EPHA3: variants seen among roughly 807,000 people sequenced by gnomAD.
The protein encoded by EPHA3 is EPH receptor A3.
In EPHA3, 42 loss-of-function variants were observed where a neutral mutation model predicts 107.1. The ratio of observed to expected loss-of-function variants is 0.39; its 90% CI spans 0.31 to 0.51. The LOEUF (loss-of-function observed/expected upper bound fraction) is 0.51. Ranked by LOEUF, EPHA3 falls within the 20% of genes least tolerant of loss-of-function variation. EPHA3 has a pLI of 0.78. For synonymous variants in EPHA3, 461 were observed against 424.8 expected, an observed-to-expected ratio of 1.09 and a Z score of -1.05; for missense variants, 1,183 against 1,211.2, an observed-to-expected ratio of 0.98 and a Z score of 0.35.
intron 3 of EPHA3, among the ~76,000 whole-genome samples, chr3:89,281,004 A>ATTTTTTATTTATTTATTTATTTAT (rs71105126): frequency 1.4e-5 from 2 of 147,280 alleles, no homozygotes; most frequent in African/African-American, 5.1e-5. Flanking sequence ...CAAGATTTTT[A>ATTTTTTATTTATTTATTTATTTAT]TTATTTATTT....
intron 2 of EPHA3, among the ~76,000 whole-genome samples, chr3:89,160,589 T>TGTGGGG (rs371399940): frequency 6.9e-6 from 1 of 145,100 alleles, no homozygotes; most frequent in Admixed American, 7.0e-5. Flanking sequence ...TGTGTGTGTG[T>TGTGGGG]GCGCGCATTC....
intron 10 of EPHA3, among the ~76,000 whole-genome samples, chr3:89,416,552 AG>A (rs2107524897): frequency 6.6e-6 from 1 of 151,534 alleles, no homozygotes; most frequent in East Asian, 1.9e-4. Context: ...AGTGATTTTT[AG>A]TATATTTTCA....
At chr3:89,222,453 G>T (rs1704402341) in intron 3 of EPHA3, among the ~76,000 whole-genome samples, 3 of 147,830 alleles carry the variant, frequency 2.0e-5, no homozygotes, top group Non-Finnish European at 4.5e-5. Flanking sequence ...GCATACTTGT[G>T]TGTGTATATG....
At chr3:89,344,708 A>G (rs1707603494) in intron 5 of EPHA3, among the ~76,000 whole-genome samples, 1 of 152,280 alleles carries the variant, frequency 6.6e-6, no homozygotes, top group African/African-American at 2.4e-5. Flanking sequence ...CCTAGCCTCT[A>G]TCTTTGACGT....
At chr3:89,132,269 G>A (rs543686198) in intron 2 of EPHA3, among the ~76,000 whole-genome samples, 48 of 152,246 alleles carry the variant, frequency 3.2e-4, no homozygotes, top group Non-Finnish European at 5.9e-4. Context: ...ACTGAATTAC[G>A]TGAAAGAATG....
At chr3:89,402,966 C>T (rs1286219173) in intron 7 of EPHA3, among the ~76,000 whole-genome samples, 1 of 152,148 alleles carries the variant, frequency 6.6e-6, no homozygotes, top group East Asian at 1.9e-4. Context: ...GTGTGAGCCA[C>T]CGTGCCCAGC....
chr3:89,476,750 G>T (rs1483662230), intron 16 of EPHA3, among the ~76,000 whole-genome samples: 1 of 151,612 alleles, frequency 6.6e-6, no homozygotes, highest in African/African-American at 2.4e-5. Flanking sequence ...TGGGAGTACA[G>T]GCGCCCGCCA....
chr3:89,418,644 G>A (rs1430318122), intron 10 of EPHA3, among the ~76,000 whole-genome samples: 2 of 151,042 alleles, frequency 1.3e-5, no homozygotes, highest in African/African-American at 4.9e-5. Context: ...TTATATTGTT[G>A]TTGTCCTCCA....
chr3:89,370,001 GAAA>G, intron 5 of EPHA3, among the ~76,000 whole-genome samples: 1 of 150,490 alleles, frequency 6.6e-6, no homozygotes, highest in Non-Finnish European at 1.5e-5. Flanking sequence ...AAAAAGTCAG[GAAA>G]CAGCAGGTGC....
At chr3:89,260,720 C>T (rs1224577263) in intron 3 of EPHA3, among the ~76,000 whole-genome samples, 1 of 152,178 alleles carries the variant, frequency 6.6e-6, no homozygotes, top group Admixed American at 6.5e-5. Context: ...GCTTTAACAA[C>T]AAAATTTAAC....
At chr3:89,440,300 G>C (rs2107545545) in intron 13 of EPHA3, among the ~76,000 whole-genome samples, 2 of 151,946 alleles carry the variant, frequency 1.3e-5, no homozygotes, top group South Asian at 4.2e-4. Flanking sequence ...CAATTACTTG[G>C]GTTTACTCAG....
chr3:89,219,863 T>C (rs1024343656), intron 3 of EPHA3, among the ~76,000 whole-genome samples: 12 of 144,802 alleles, frequency 8.3e-5, no homozygotes, highest in Admixed American at 2.8e-4. Flanking sequence ...CGCCCGCCAC[T>C]ACGCCCGGCT....
At chr3:89,434,568 A>T (rs1163461217) in intron 13 of EPHA3, among the ~76,000 whole-genome samples, 1 of 152,142 alleles carries the variant, frequency 6.6e-6, no homozygotes, top group Non-Finnish European at 1.5e-5. Context: ...AGTAGGCTTG[A>T]TTGCCAGGAT....
chr3:89,150,094 A>T (rs1280664274), intron 2 of EPHA3, among the ~76,000 whole-genome samples: 1 of 151,928 alleles, frequency 6.6e-6, no homozygotes, highest in Non-Finnish European at 1.5e-5. Flanking sequence ...TTTAGTGACA[A>T]TTTGGATGGG....
rs562078799 is a variant in EPHA3 at position 89,138,578 on chromosome 3, C to T, written c.153+11305C>T. Among the ~76,000 whole-genome samples the T allele has an allele frequency of 2.4e-3, 362 of 151,766 alleles. 1 individual carries two copies. Among genetic ancestry groups the T allele is most frequent in the African/African-American group, 7.9e-3 (326 of 41,428 alleles). On this transcript the variant is annotated intron_variant, in intron 2 of 16. Coordinates refer to ENST00000336596, the MANE Select transcript of EPHA3 (RefSeq NM_005233.6). ...GACTGTGATGAATTTTGTGTGCCACCCTAAAATGCTCACATCAATCAAAGA... is the reference window on the plus strand; with the variant it reads ...GACTGTGATGAATTTTGTGTGCCACTCTAAAATGCTCACATCAATCAAAGA...
chr3:89,431,395 T>C (rs1462836039), intron 13 of EPHA3, 36 bp downstream of exon 13: 1 of 1,559,606 alleles, frequency 6.4e-7, no homozygotes, highest in Admixed American at 1.8e-5. Flanking sequence ...TTTATCATTG[T>C]TTTCCATCTT....
intron 2 of EPHA3, among the ~76,000 whole-genome samples, chr3:89,163,611 T>C (rs531135556): frequency 1.3e-5 from 2 of 152,294 alleles, no homozygotes; most frequent in South Asian, 4.1e-4. Flanking sequence ...AATGAAACTT[T>C]GTAAATAAAC....
In EPHA3 at chr3:89,341,830, T is replaced by G; in HGVS notation, c.1046T>G (p.Leu349Arg). Residue 349 changes from leucine to arginine, a missense_variant, in exon 5 of 17, where the codon CTG (leucine) becomes CGG (arginine). Coordinates refer to ENST00000336596, the MANE Select transcript of EPHA3 (RefSeq NM_005233.6). ...TSVILDWSWPLDTGGRKDVTF... is the reference protein window; with the variant it reads ...TSVILDWSWPRDTGGRKDVTF... ...GTTATCCTGGACTGGAGTTGGCCCC[T>G]GGACACAGGAGGCCGGAAAGATGTT... 1.9e-6 allele frequency: 3 copies of G among 1,613,970 alleles called. No individual in the cohort carries two copies. The highest frequency in any genetic ancestry group is 2.5e-6 in the Non-Finnish European group (3 of 1,179,996).
chr3:89,275,847 C>T (rs1705791232), intron 3 of EPHA3, among the ~76,000 whole-genome samples: 1 of 152,050 alleles, frequency 6.6e-6, no homozygotes, highest in African/African-American at 2.4e-5. Context: ...TTGCTGAGAG[C>T]TGGTACTATA....
Sources: allele counts gnomAD v4.1 joint callset (sites outside exome capture counted in the v4.1 genomes callset), GRCh38; gene constraint gnomAD v4.1.1; transcripts MANE v1.5; gene names NCBI Gene and HGNC (gene_info 2026-07-23, HGNC 2026-07-21).